Variants in CEP85L observed in about 807,000 individuals in gnomAD.
CEP85L encodes the protein centrosomal protein 85L, also known as centrosomal protein of 85 kDa-like.
CEP85L carries 60 observed loss-of-function variants against 100.3 expected under a neutral mutation model. The ratio of observed to expected loss-of-function variants is 0.60; its 90% CI spans 0.49 to 0.74. CEP85L has a LOEUF of 0.74. Among genes scored for constraint, CEP85L ranks in the 30% least tolerant of loss-of-function variants. The pLI, the probability that CEP85L is intolerant of heterozygous loss-of-function variation, is 0.00. For synonymous variants in CEP85L, 319 were observed against 322.7 expected, an observed-to-expected ratio of 0.99 and a Z score of 0.12; for missense variants, 973 against 936.2, an observed-to-expected ratio of 1.04 and a Z score of -0.51.
At chr6:118,682,545 A>C (rs1194125011) in intron 1 of CEP85L, among the ~76,000 whole-genome samples, 1 of 152,110 alleles carries the variant, frequency 6.6e-6, no homozygotes, top group Non-Finnish European at 1.5e-5. Context: ...TAATTGCAGC[A>C]AAATGTTTTA....
Position 118,481,797 on chromosome 6 carries a change from A to G in CEP85L, c.1727T>C (p.Leu576Ser). The change falls in exon 8 of 13, where the codon TTA (leucine) becomes TCA (serine). Residue 576 changes from leucine to serine, a missense_variant. Coordinates refer to ENST00000368491, the MANE Select transcript of CEP85L (RefSeq NM_001042475.3). Reference sequence around the variant, plus strand: ...TTCTTACCTCTGAACGGTAGTTACTAACTCCTTTTCTTTCTTTTTCTGGCA... The same window carrying G: ...TTCTTACCTCTGAACGGTAGTTACTGACTCCTTTTCTTTCTTTTTCTGGCA... ...LICQKKKEKELVTTVQSLQQK... is the reference protein window; with the variant it reads ...LICQKKKEKESVTTVQSLQQK... The G allele has an allele frequency of 1.3e-6, 2 of 1,584,832 alleles. No homozygotes were observed. Among genetic ancestry groups the G allele is most frequent in the South Asian group, 1.2e-5 (1 of 84,730 alleles).
intron 2 of CEP85L, among the ~76,000 whole-genome samples, chr6:118,592,329 C>CTTT (rs34976343): frequency 2.5e-5 from 3 of 121,660 alleles, no homozygotes; most frequent in Non-Finnish European, 3.5e-5. Flanking sequence ...TCCTCTAGGT[C>CTTT]TTTTTTTTTT....
At chr6:118,617,525 A>G (rs1277908503) in intron 2 of CEP85L, among the ~76,000 whole-genome samples, 1 of 152,212 alleles carries the variant, frequency 6.6e-6, no homozygotes, top group Non-Finnish European at 1.5e-5. Context: ...GCATGTCACA[A>G]AATAATTTAC....
At chr6:118,561,421 A>T (rs1779215738) in intron 3 of CEP85L, among the ~76,000 whole-genome samples, 1 of 152,184 alleles carries the variant, frequency 6.6e-6, no homozygotes, top group Non-Finnish European at 1.5e-5. Flanking sequence ...TTATTCTGTG[A>T]GGATTACAGA....
chr6:118,591,042 G>C (rs1781162763), intron 2 of CEP85L, among the ~76,000 whole-genome samples: 1 of 151,980 alleles, frequency 6.6e-6, no homozygotes, highest in African/African-American at 2.4e-5. Flanking sequence ...GCTGGGTAAG[G>C]GTCCAGCAAT....
chr6:118,603,967 C>T (rs1171035178), intron 2 of CEP85L, among the ~76,000 whole-genome samples: 1 of 152,134 alleles, frequency 6.6e-6, no homozygotes. Flanking sequence ...TTTTACATAA[C>T]AATTATAAAT....
chr6:118,468,929 C>T (rs1321233110), intron 12 of CEP85L, 143 bp downstream of exon 12: 16 of 616,478 alleles, frequency 2.6e-5, no homozygotes, highest in East Asian at 2.5e-4. Flanking sequence ...GAAGTAATAA[C>T]AGGTATACAT....
intron 1 of CEP85L, among the ~76,000 whole-genome samples, chr6:118,650,606 C>G (rs1187200312): frequency 6.6e-6 from 1 of 152,190 alleles, no homozygotes; most frequent in African/African-American, 2.4e-5. Context: ...GACCAGGTTC[C>G]TCCGAGGGGC....
At chr6:118,480,783 C>T (rs182983778) in intron 8 of CEP85L, among the ~76,000 whole-genome samples, 1 of 152,122 alleles carries the variant, frequency 6.6e-6, no homozygotes, top group Non-Finnish European at 1.5e-5. Context: ...CCTTAGGCTC[C>T]GATGAAGTCC....
intron 6 of CEP85L, among the ~76,000 whole-genome samples, chr6:118,489,928 C>T (rs529641374): frequency 1.7e-4 from 26 of 151,436 alleles, no homozygotes; most frequent in African/African-American, 5.1e-4. Context: ...ATGTTATATA[C>T]ACACACACAC....
At chr6:118,663,091 A>G (rs1776026864) in intron 1 of CEP85L, among the ~76,000 whole-genome samples, 1 of 152,122 alleles carries the variant, frequency 6.6e-6, no homozygotes, top group Non-Finnish European at 1.5e-5. Context: ...TACTTCATTT[A>G]TACAAAGATT....
intron 4 of CEP85L, among the ~76,000 whole-genome samples, chr6:118,512,354 G>A (rs1337676094): frequency 6.6e-6 from 1 of 152,100 alleles, no homozygotes; most frequent in Non-Finnish European, 1.5e-5. Flanking sequence ...TGTGTGTAGA[G>A]TGGAAGGGCA....
At chr6:118,516,814 CT>C (rs1450770531) in intron 4 of CEP85L, among the ~76,000 whole-genome samples, 6 of 152,186 alleles carry the variant, frequency 3.9e-5, no homozygotes, top group Admixed American at 2.6e-4. Flanking sequence ...GACATGAAGC[CT>C]TTGCCCATGC....
chr6:118,543,197 C>T (rs1778010208), intron 3 of CEP85L, among the ~76,000 whole-genome samples: 1 of 152,034 alleles, frequency 6.6e-6, no homozygotes, highest in Non-Finnish European at 1.5e-5. Context: ...TGATGTTACA[C>T]ACACGTCAAA....
chr6:118,594,433 T>G (rs1231117475), intron 2 of CEP85L, among the ~76,000 whole-genome samples: 2 of 152,168 alleles, frequency 1.3e-5, no homozygotes, highest in Non-Finnish European at 2.9e-5. Context: ...ATAAAATAGG[T>G]TAATTAGATA....
At chr6:118,487,082 T>C (rs1432097075) in intron 6 of CEP85L, among the ~76,000 whole-genome samples, 2 of 152,000 alleles carry the variant, frequency 1.3e-5, no homozygotes, top group African/African-American at 2.4e-5. Context: ...TAAAATGCTA[T>C]AAGCATATGA....
intron 5 of CEP85L, among the ~76,000 whole-genome samples, chr6:118,510,542 T>C (rs1259948688): frequency 6.6e-6 from 1 of 152,134 alleles, no homozygotes; most frequent in African/African-American, 2.4e-5. Flanking sequence ...TTCTTTTATA[T>C]AGACCTACTA....
chr6:118,521,609 A>G (rs1287463954), intron 4 of CEP85L, among the ~76,000 whole-genome samples: 4 of 152,170 alleles, frequency 2.6e-5, no homozygotes, highest in Non-Finnish European at 5.9e-5. Flanking sequence ...CTAACAGAAT[A>G]TAATGGAAGT....
At chr6:118,635,244 T>C (rs533103435) in intron 1 of CEP85L, among the ~76,000 whole-genome samples, 2 of 152,318 alleles carry the variant, frequency 1.3e-5, no homozygotes, top group East Asian at 1.9e-4. Context: ...TGTTAATTAG[T>C]TGATAATGTT....
Sources: gnomAD v4.1 joint callset for allele counts (sites outside exome capture counted in the v4.1 genomes callset) on GRCh38, gnomAD v4.1.1 for gene constraint, MANE v1.5 for transcripts, NCBI Gene and HGNC (gene_info 2026-07-23, HGNC 2026-07-21) for gene names.